Variants in ARHGEF26 observed in about 807,000 individuals in gnomAD.
ARHGEF26 encodes Rho guanine nucleotide exchange factor (GEF) 26.
In ARHGEF26, 59 loss-of-function variants were observed where a neutral mutation model predicts 89.4. The observed-to-expected ratio is 0.66, with a 90% confidence interval of 0.54 to 0.82. The LOEUF (loss-of-function observed/expected upper bound fraction) is 0.82, where lower values mean the gene tolerates loss of function less well. ARHGEF26 is among the 40% of genes least tolerant of loss of function. The probability of loss-of-function intolerance (pLI) is 0.00; values close to 1 mark genes in which losing one functional copy is unlikely to be tolerated. For synonymous variants in ARHGEF26, 500 were observed against 428.4 expected (o/e 1.17, Z -2.06); for missense variants, 1,234 against 1,085.6 (o/e 1.14, Z -1.92).
intron 2 of ARHGEF26, 83 bp downstream of exon 2, chr3:154,123,158 A>G: frequency 6.5e-7 from 1 of 1,541,796 alleles, no homozygotes; most frequent in South Asian, 1.2e-5. Flanking sequence ...GCGTAGAGGA[A>G]ACCCGAAGAA....
chr3:154,234,747 A>G (rs1006872822), intron 11 of ARHGEF26, among the ~76,000 whole-genome samples: 2 of 151,974 alleles, frequency 1.3e-5, no homozygotes, highest in South Asian at 2.1e-4. Context: ...CAGTATGTTT[A>G]TTTTTTAATT....
At chr3:154,157,193 C>T (rs1720387909) in intron 6 of ARHGEF26, among the ~76,000 whole-genome samples, 1 of 152,158 alleles carries the variant, frequency 6.6e-6, no homozygotes, top group Non-Finnish European at 1.5e-5. Context: ...TCAGTTAACA[C>T]TTAGGGCCTC....
At chr3:154,237,578 C>CACACACT (rs1559919348) in intron 11 of ARHGEF26, among the ~76,000 whole-genome samples, 30 of 73,076 alleles carry the variant, frequency 4.1e-4, no homozygotes, top group African/African-American at 1.6e-3. Context: ...ACACACTTAA[C>CACACACT]TAGTTTATTC....
intron 9 of ARHGEF26, among the ~76,000 whole-genome samples, chr3:154,201,309 C>CA (rs1404810601): frequency 6.6e-6 from 1 of 152,054 alleles, no homozygotes; most frequent in African/African-American, 2.4e-5. Context: ...CAGCTTCATC[C>CA]ATGTCCCTAC....
intron 9 of ARHGEF26, among the ~76,000 whole-genome samples, chr3:154,207,520 G>A (rs758495138): frequency 6.6e-6 from 1 of 152,200 alleles, no homozygotes; most frequent in East Asian, 1.9e-4. Context: ...TCACTGATTA[G>A]AGAAATGCAA....
At chr3:154,211,593 T>C (rs1715363949) in intron 9 of ARHGEF26, among the ~76,000 whole-genome samples, 1 of 152,206 alleles carries the variant, frequency 6.6e-6, no homozygotes. Context: ...AATACGAAGA[T>C]AAAACCAGGT....
At position 154,218,082 on chromosome 3, in the gene ARHGEF26, G is replaced by A; in HGVS notation, c.1935+124G>A. 7.0e-6 allele frequency: 6 copies of A among 854,264 alleles called. No individual in the cohort carries two copies. In the South Asian group the frequency reaches 9.3e-5, roughly 13 times the overall value. 52.9% of individuals were successfully genotyped at this position (854,264 alleles called of 1,614,324 possible). A position where few individuals can be genotyped will look rare whatever the true frequency, so the allele number is the denominator to read the frequency against. ...AAAGAAGGGTCATAAATTGCTAAGAGGGAGTAGCAGATGCTTCAGGCAATT... is the reference window on the plus strand; with the variant it reads ...AAAGAAGGGTCATAAATTGCTAAGAAGGAGTAGCAGATGCTTCAGGCAATT... On this transcript the variant is annotated intron_variant, in intron 10 of 14. Transcript: ENST00000465093.
At chr3:154,184,847 C>G (rs1023678534) in intron 6 of ARHGEF26, among the ~76,000 whole-genome samples, 2 of 152,208 alleles carry the variant, frequency 1.3e-5, no homozygotes, top group Non-Finnish European at 1.5e-5. Flanking sequence ...GTAAACTTCC[C>G]AGCATGCAGT....
intron 12 of ARHGEF26, among the ~76,000 whole-genome samples, chr3:154,246,141 C>G (rs1191740121): frequency 6.6e-6 from 1 of 152,116 alleles, no homozygotes. Context: ...GATAGGTACT[C>G]TAACTTAGGT....
chr3:154,225,836 G>A lies in ARHGEF26; in HGVS notation c.1936-20G>A. 1 of 1,577,630 alleles carries A rather than the reference G, an allele frequency of 6.3e-7. No individual in the cohort carries two copies. The highest frequency in any genetic ancestry group is 8.6e-7 in the Non-Finnish European group (1 of 1,167,110). On this transcript the variant is annotated intron_variant, in intron 10 of 14. Coordinates refer to ENST00000465093, the MANE Select transcript of ARHGEF26 (RefSeq NM_015595.4). Reference sequence around the variant, plus strand: ...GGATTTCAATTTAGCTTTGGTCACTGGGTTTTTCTCCTTTTGTAGCCTTTT... The same window carrying A: ...GGATTTCAATTTAGCTTTGGTCACTAGGTTTTTCTCCTTTTGTAGCCTTTT...
At chr3:154,213,379 A>G (rs1715512491) in intron 9 of ARHGEF26, among the ~76,000 whole-genome samples, 1 of 152,250 alleles carries the variant, frequency 6.6e-6, no homozygotes, top group South Asian at 2.1e-4. Context: ...GCTGCTTTCA[A>G]TAAAAACAGC....
chr3:154,203,262 G>A (rs1714773802), intron 9 of ARHGEF26, among the ~76,000 whole-genome samples: 1 of 152,042 alleles, frequency 6.6e-6, no homozygotes, highest in Non-Finnish European at 1.5e-5. Context: ...AAATCATATG[G>A]TTTTTGTCTT....
intron 4 of ARHGEF26, among the ~76,000 whole-genome samples, chr3:154,145,014 A>G (rs1039654635): frequency 2.0e-5 from 3 of 152,174 alleles, no homozygotes; most frequent in Admixed American, 2.0e-4. Flanking sequence ...TCTTGACCTC[A>G]TGTCTAGTGT....
At chr3:154,165,376 A>C (rs761693578) in intron 6 of ARHGEF26, among the ~76,000 whole-genome samples, 64 of 152,306 alleles carry the variant, frequency 4.2e-4, no homozygotes, top group Non-Finnish European at 8.4e-4. Context: ...AGAGAGAGAC[A>C]CTAAGTGATT....
At chr3:154,210,352 T>C (rs931146468) in intron 9 of ARHGEF26, among the ~76,000 whole-genome samples, 11 of 152,104 alleles carry the variant, frequency 7.2e-5, no homozygotes, top group African/African-American at 2.7e-4. Flanking sequence ...GGCTCTTCAG[T>C]TAGCAGGTAT....
At chr3:154,207,431 C>T (rs969026462) in intron 9 of ARHGEF26, among the ~76,000 whole-genome samples, 25 of 151,922 alleles carry the variant, frequency 1.6e-4, no homozygotes, top group African/African-American at 5.1e-4. Context: ...TTTTAAAAAG[C>T]GGGCAAAGGA....
chr3:154,129,526 A>G (rs1172778218), intron 3 of ARHGEF26, 48 bp from the exon 4 acceptor site: 4 of 1,582,466 alleles, frequency 2.5e-6, no homozygotes, highest in Non-Finnish European at 2.6e-6. Flanking sequence ...AACAAGTAAC[A>G]TAATGATTGA....
At chr3:154,194,845 G>A (rs1206300651) in intron 9 of ARHGEF26, 127 bp downstream of exon 9, 2 of 754,802 alleles carry the variant, frequency 2.6e-6, no homozygotes, top group Non-Finnish European at 4.4e-6. Flanking sequence ...CGTTCTTTAG[G>A]TAGTTGCAAA....
intron 6 of ARHGEF26, chr3:154,187,289 T>G: frequency 1.2e-6 from 1 of 866,706 alleles, no homozygotes; most frequent in Non-Finnish European, 1.4e-6. Context: ...CCATAAAGAA[T>G]TCTTGAAAAA....
Sources: gnomAD v4.1 joint callset for allele counts (sites outside exome capture counted in the v4.1 genomes callset) on GRCh38, gnomAD v4.1.1 for gene constraint, MANE v1.5 for transcripts, NCBI Gene and HGNC (gene_info 2026-07-23, HGNC 2026-07-21) for gene names.